The following KLHL7 variants were observed in gnomAD, a reference collection of about 807,000 sequenced individuals.
The protein encoded by KLHL7 is kelch like family member 7, also known as kelch-like protein 7.
KLHL7 carries 44 observed loss-of-function variants against 67.4 expected under a neutral mutation model. The observed-to-expected ratio is 0.65, with a 90% CI of 0.51 to 0.84. KLHL7 has a LOEUF of 0.84. Ranked by LOEUF, KLHL7 falls within the 40% of genes least tolerant of loss-of-function variation. The pLI is 0.00. For missense variants in KLHL7, 362 were observed against 718.1 expected (o/e 0.50, Z 5.67); for synonymous variants, 252 against 243.3 (o/e 1.04, Z -0.33).
chr7:23,157,131 G>T (rs917049067), intron 7 of KLHL7, among the ~76,000 whole-genome samples: 2 of 152,248 alleles, frequency 1.3e-5, no homozygotes, highest in East Asian at 3.9e-4. Context: ...GTGCATAAAT[G>T]AAGTATAAAC....
intron 1 of KLHL7, among the ~76,000 whole-genome samples, chr7:23,119,356 C>T (rs1308607058): frequency 1.3e-5 from 2 of 152,130 alleles, no homozygotes; most frequent in Non-Finnish European, 2.9e-5. Flanking sequence ...AGGCGTGCGC[C>T]ACCACGTCCA....
chr7:23,170,162 T>C (rs969064513), intron 9 of KLHL7, among the ~76,000 whole-genome samples: 2 of 152,194 alleles, frequency 1.3e-5, no homozygotes, highest in African/African-American at 4.8e-5. Flanking sequence ...TGTAGTGAGC[T>C]GAGATCGTGC....
At chr7:23,166,231 A>T (rs1398829087) in intron 8 of KLHL7, among the ~76,000 whole-genome samples, 1 of 152,128 alleles carries the variant, frequency 6.6e-6, no homozygotes, top group Non-Finnish European at 1.5e-5. Context: ...GCTGCATAAT[A>T]TTATTTGTTT....
In KLHL7 at chr7:23,117,081, CTTTTTTTTTT is replaced by C. The variant is rs34692665; in HGVS notation, c.121-6681_121-6672del. Among the ~76,000 whole-genome samples the C allele has an allele frequency of 2.1e-3, 140 of 68,232 alleles. 5 individuals are homozygous for C. Among genetic ancestry groups the C allele is most frequent in the African/African-American group, 7.5e-3 (130 of 17,414 alleles). 44.8% of individuals were successfully genotyped at this position (68,232 alleles called of 152,430 possible). ...TCATAAAATTTTCCTAGAGCCAGGC[CTTTTTTTTTT>C]TTTTTTTTTTTTTTGAGATCAAGTC... On this transcript the variant is annotated intron_variant, in intron 1 of 10. Transcript: ENST00000339077.
intron 1 of KLHL7, among the ~76,000 whole-genome samples, chr7:23,123,364 A>C (rs892523918): frequency 1.3e-5 from 2 of 152,156 alleles, no homozygotes; most frequent in Non-Finnish European, 1.5e-5. Context: ...TGGAAAATAA[A>C]TCATATAAAA....
At chr7:23,149,092 A>G (rs1245657307) in intron 6 of KLHL7, among the ~76,000 whole-genome samples, 1 of 152,228 alleles carries the variant, frequency 6.6e-6, no homozygotes, top group East Asian at 1.9e-4. Flanking sequence ...AAGCTTAAAA[A>G]TTTTACATCC....
intron 4 of KLHL7, among the ~76,000 whole-genome samples, chr7:23,128,447 AAAAAG>A (rs1359101362): frequency 8.6e-6 from 1 of 115,690 alleles, no homozygotes; most frequent in Admixed American, 8.3e-5. Flanking sequence ...AAAAAAAAAA[AAAAAG>A]AACTTTAACT....
At chr7:23,106,495 G>A (rs1005183790) in intron 1 of KLHL7, 1 of 1,158,212 alleles carries the variant, frequency 8.6e-7, no homozygotes, top group Admixed American at 3.9e-5. Context: ...TTAAGGTGCC[G>A]TGAGATCTTG....
At chr7:23,125,490 T>C (rs939174195) in intron 4 of KLHL7, among the ~76,000 whole-genome samples, 5 of 152,202 alleles carry the variant, frequency 3.3e-5, no homozygotes, top group Admixed American at 3.3e-4. Flanking sequence ...TCCTTTTATT[T>C]AAGCACTTAT....
At chr7:23,127,166 C>T (rs1291009303) in intron 4 of KLHL7, among the ~76,000 whole-genome samples, 1 of 152,154 alleles carries the variant, frequency 6.6e-6, no homozygotes, top group Non-Finnish European at 1.5e-5. Flanking sequence ...CTCTAAATTT[C>T]CTCCTGGGGT....
At chr7:23,161,679 T>C (rs1025981246) in intron 7 of KLHL7, among the ~76,000 whole-genome samples, 2 of 152,150 alleles carry the variant, frequency 1.3e-5, no homozygotes, top group African/African-American at 4.8e-5. Flanking sequence ...GCCATAATGA[T>C]AAGATGCCAG....
At chr7:23,106,468 T>C in intron 1 of KLHL7, 1 of 1,204,108 alleles carries the variant, frequency 8.3e-7, no homozygotes, top group Non-Finnish European at 1.0e-6. Flanking sequence ...CGAGGATCCT[T>C]CCATTGGCGA....
chr7:23,149,020 C>A (rs953098720), intron 6 of KLHL7, among the ~76,000 whole-genome samples: 5 of 152,150 alleles, frequency 3.3e-5, no homozygotes, highest in Non-Finnish European at 7.3e-5. Context: ...TACCACCGGA[C>A]TTTGTTGCCT....
chr7:23,150,475 CT>C (rs1784496383), intron 6 of KLHL7, among the ~76,000 whole-genome samples: 1 of 152,106 alleles, frequency 6.6e-6, no homozygotes, highest in Non-Finnish European at 1.5e-5. Context: ...CTACATCTTG[CT>C]TTTTTTCATT....
intron 1 of KLHL7, among the ~76,000 whole-genome samples, chr7:23,119,404 C>A (rs1001775309): frequency 6.6e-6 from 1 of 152,150 alleles, no homozygotes; most frequent in African/African-American, 2.4e-5. Context: ...AGGGTTTCGC[C>A]ATGTTGGCCA....
In KLHL7 at chr7:23,175,133, A is replaced by T; in HGVS notation, c.*835A>T. ...ATTAGAAAAGCACTGGTAGTTGTAC[A>T]ATATCAGTGTTGACTTTGAACTTCT... On this transcript the variant is annotated 3_prime_UTR_variant, in exon 11 of 11. Coordinates refer to ENST00000339077, the MANE Select transcript of KLHL7 (RefSeq NM_001031710.3). 2.2e-6 allele frequency: 1 copy of T among 454,120 alleles called. No homozygotes were observed. The highest frequency in any genetic ancestry group is 4.4e-6 in the Non-Finnish European group (1 of 226,778). 28.1% of individuals were successfully genotyped at this position (454,120 alleles called of 1,614,324 possible).
chr7:23,142,880 A>G (rs1188072022), intron 5 of KLHL7, among the ~76,000 whole-genome samples: 1 of 152,170 alleles, frequency 6.6e-6, no homozygotes, highest in Admixed American at 6.5e-5. Flanking sequence ...ACACTAGATA[A>G]AAACTAAAGA....
chr7:23,174,076 A>G lies in KLHL7; in HGVS notation c.1539A>G (p.Pro513=), dbSNP rs2128470606. 5.0e-6 allele frequency: 8 copies of G among 1,614,156 alleles called. No individual in the cohort carries two copies. The highest frequency in any genetic ancestry group is 6.8e-6 in the Non-Finnish European group (8 of 1,179,972). Residue 513 remains proline, a synonymous_variant, in exon 11 of 11, where the codon CCA becomes CCG. Transcript: ENST00000339077. ...TGAACGAATGGAAGATGGTCTCACCAATGCCATGGAAGGGTGTAACAGTGA... is the reference window on the plus strand; with the variant it reads ...TGAACGAATGGAAGATGGTCTCACCGATGCCATGGAAGGGTGTAACAGTGA... The part of the protein sequence containing the change: ...IKLNEWKMVS[P]MPWKGVTVKC...
chr7:23,161,161 A>T (rs1020428943), intron 7 of KLHL7, among the ~76,000 whole-genome samples: 1 of 152,202 alleles, frequency 6.6e-6, no homozygotes, highest in African/African-American at 2.4e-5. Context: ...AGCAAGATAT[A>T]AAGGAGAAAG....
Sources: gnomAD v4.1 joint callset for allele counts (sites outside exome capture counted in the v4.1 genomes callset) on GRCh38, gnomAD v4.1.1 for gene constraint, MANE v1.5 for transcripts, NCBI Gene and HGNC (gene_info 2026-07-23, HGNC 2026-07-21) for gene names.